The following ATXN2 variants were observed in gnomAD, a reference collection of about 807,000 sequenced individuals.
ATXN2 encodes ataxin-2.
ATXN2 carries 37 observed loss-of-function variants against 138.6 expected under a neutral mutation model. The ratio of observed to expected loss-of-function variants is 0.27; its 90% CI spans 0.21 to 0.35. The LOEUF (loss-of-function observed/expected upper bound fraction) is 0.35, where lower values mean the gene tolerates loss of function less well. Among genes scored for constraint, ATXN2 ranks in the 10% least tolerant of loss-of-function variants. The pLI, the probability that ATXN2 is intolerant of heterozygous loss-of-function variation, is 1.00. For missense variants in ATXN2, 1,216 were observed against 1,480.3 expected (o/e 0.82, Z 2.93); for synonymous variants, 549 against 543.7 (o/e 1.01, Z -0.13).
chr12:111,558,375 T>C (rs957239291), intron 1 of ATXN2, among the ~76,000 whole-genome samples: 3 of 152,244 alleles, frequency 2.0e-5, no homozygotes, highest in African/African-American at 4.8e-5. Flanking sequence ...GAGCATATTT[T>C]AGACCTAAGT....
chr12:111,552,031 C>A lies in ATXN2; in HGVS notation c.571+249G>T, dbSNP rs867497099. Among the ~76,000 whole-genome samples the A allele has an allele frequency of 1.3e-5, 2 of 152,038 alleles. No individual in the cohort carries two copies. The highest frequency in any genetic ancestry group is 4.8e-5 in the African/African-American group (2 of 41,372). ...TAGCTAGGACTATAGGCGCACGCCA[C>A]CACACACAAAAATAAATTTTTGTAT... On this transcript the variant is annotated intron_variant, in intron 5 of 24. Transcript: ENST00000673436. The surrounding 1 kb of genome is among the most constrained non-coding windows in gnomAD (Gnocchi z 4.1).
chr12:111,484,944 T>C, intron 18 of ATXN2, among the ~76,000 whole-genome samples: 1 of 152,158 alleles, frequency 6.6e-6, no homozygotes, highest in East Asian at 1.9e-4. Flanking sequence ...TCCAGGCTGA[T>C]CTTGGGCTCC....
chr12:111,549,264 T>C (rs1168008900), intron 5 of ATXN2, among the ~76,000 whole-genome samples: 1 of 151,420 alleles, frequency 6.6e-6, no homozygotes, highest in East Asian at 1.9e-4. Context: ...AAGTCTCTAA[T>C]AAAAAATAAA....
At chr12:111,508,215 T>C (rs115928592) in intron 14 of ATXN2, among the ~76,000 whole-genome samples, 1 of 151,146 alleles carries the variant, frequency 6.6e-6, no homozygotes, top group African/African-American at 2.4e-5. Context: ...CATCTATTGC[T>C]CACAGATATA....
chr12:111,582,985 T>G (rs540957063), intron 1 of ATXN2, among the ~76,000 whole-genome samples: 62 of 111,704 alleles, frequency 5.6e-4, no homozygotes, highest in Middle Eastern at 4.8e-3. Context: ...CAGTTTTTTT[T>G]TTTGTTTGTT....
intron 5 of ATXN2, among the ~76,000 whole-genome samples, chr12:111,525,931 C>G (rs1395221335): frequency 4.6e-5 from 7 of 152,012 alleles, no homozygotes; most frequent in African/African-American, 1.4e-4. Flanking sequence ...ATACCCCCAC[C>G]TTGGCCTCCC....
intron 21 of ATXN2, 107 bp downstream of exon 21, chr12:111,464,555 G>A: frequency 1.2e-6 from 1 of 805,348 alleles, no homozygotes; most frequent in South Asian, 2.2e-5. Flanking sequence ...TCAATAATTT[G>A]ACTGGCACAA....
At chr12:111,487,832 G>C (rs1877744287) in intron 15 of ATXN2, among the ~76,000 whole-genome samples, 1 of 151,918 alleles carries the variant, frequency 6.6e-6, no homozygotes, top group East Asian at 1.9e-4. Flanking sequence ...AGTCATGGCT[G>C]TAAAAAAAAA....
At chr12:111,469,849 C>T (rs911135229) in intron 20 of ATXN2, 8 of 428,160 alleles carry the variant, frequency 1.9e-5, no homozygotes, top group African/African-American at 1.6e-4. Flanking sequence ...CCTTTCTCCA[C>T]AAAGATGCTT....
chr12:111,572,413 A>C (rs1382936965), intron 1 of ATXN2, among the ~76,000 whole-genome samples: 1 of 151,940 alleles, frequency 6.6e-6, no homozygotes, highest in African/African-American at 2.4e-5. Flanking sequence ...AAAAAAAAAA[A>C]CAAATTTACT....
intron 1 of ATXN2, chr12:111,564,775 AAGT>A (rs1336754959): frequency 7.9e-5 from 12 of 152,180 alleles, no homozygotes; most frequent in African/African-American, 2.9e-4. Flanking sequence ...CTGAAAGATA[AAGT>A]TGTTTATTAT....
Position 111,453,769 on chromosome 12 carries a change from G to A in ATXN2, c.3347C>T (p.Pro1116Leu). ...APMMLMTTQP[P>L]GGPQAALAQS... ...AGCGAGGGCGGCCTGGGGACCGCCG[G>A]GTGGCTGTGTCGTCATTAGCATCAT... The change falls in exon 24 of 25, where the codon CCC (proline) becomes CTC (leucine). Residue 1116 changes from proline (P) to leucine (L), a missense_variant. Transcript: ENST00000673436. This position sits in a 1 kb window ranked among gnomAD's most constrained non-coding sequence, Gnocchi z 5.4. 6.2e-7 allele frequency: 1 copy of A among 1,614,144 alleles called. No homozygotes were observed. Among genetic ancestry groups the A allele is most frequent in the East Asian group, 2.2e-5 (1 of 44,884 alleles).
At chr12:111,488,186 GA>G (rs1354367129) in intron 15 of ATXN2, among the ~76,000 whole-genome samples, 1 of 152,138 alleles carries the variant, frequency 6.6e-6, no homozygotes, top group East Asian at 1.9e-4. Flanking sequence ...CCCCTGAATT[GA>G]TAATTTTTCA....
chr12:111,552,447 A>T lies in ATXN2; in HGVS notation c.421-17T>A. ...CAAATCACACTAAAATGAAAAACACAAGTAAGTACTCCAAACCTTTACAAA... is the reference window on the plus strand; with the variant it reads ...CAAATCACACTAAAATGAAAAACACTAGTAAGTACTCCAAACCTTTACAAA... On this transcript the variant is annotated splice_polypyrimidine_tract_variant and intron_variant, in intron 4 of 24. Coordinates refer to ENST00000673436, the MANE Select transcript of ATXN2 (RefSeq NM_001372574.1). This position sits in a 1 kb window ranked among gnomAD's most constrained non-coding sequence, Gnocchi z 4.1. 1 of 1,602,544 alleles carries T rather than the reference A, an allele frequency of 6.2e-7. No homozygotes were observed. The highest frequency in any genetic ancestry group is 8.5e-7 in the Non-Finnish European group (1 of 1,176,650).
Position 111,488,743 on chromosome 12 carries a change from A to G in ATXN2, c.1973T>C (p.Leu658Pro), listed in dbSNP as rs756823400. 1.9e-6 allele frequency: 3 copies of G among 1,610,002 alleles called. No homozygotes were observed. In the South Asian group the frequency reaches 3.3e-5, roughly 18 times the overall value. The part of the protein sequence containing the change: ...PSSTSESMDQ[L>P]LNKNREGEKS... Reference sequence around the variant, plus strand: ...TTCTCCCTCTCTATTTTTGTTTAGTAGTTGATCCATAGATTCAGAAGTAGA... The same window carrying G: ...TTCTCCCTCTCTATTTTTGTTTAGTGGTTGATCCATAGATTCAGAAGTAGA... Residue 658 changes from leucine (L) to proline (P), a missense_variant, in exon 15 of 25, where the codon CTA becomes CCA. Physicochemically the swap from Leu to Pro is moderately conservative, Grantham distance 98. This residue lies in a region of ATXN2 where 490 missense variants were observed against 653.5 expected (regional missense o/e 0.75). Transcript: ENST00000673436.
chr12:111,483,452 CTTT>C (rs927752030), intron 18 of ATXN2, among the ~76,000 whole-genome samples: 2 of 107,212 alleles, frequency 1.9e-5, no homozygotes. Context: ...TAAAAGAACT[CTTT>C]TTTTTTTTTT....
intron 20 of ATXN2, among the ~76,000 whole-genome samples, chr12:111,466,777 C>T (rs184584448): frequency 1.0e-3 from 154 of 152,144 alleles, no homozygotes; most frequent in Non-Finnish European, 1.5e-3. Flanking sequence ...AAAATTGTCA[C>T]CAACATCTGG....
At chr12:111,511,848 G>C (rs553115927) in intron 11 of ATXN2, 11 of 152,286 alleles carry the variant, frequency 7.2e-5, no homozygotes, top group Admixed American at 7.2e-4. Flanking sequence ...AAGTACAAAG[G>C]AATTTAGGAT....
In ATXN2 at chr12:111,552,771, A is replaced by T; in HGVS notation, c.420+135T>A. 1 of 632,308 alleles carries T rather than the reference A, an allele frequency of 1.6e-6. No homozygotes were observed. Among genetic ancestry groups the T allele is most frequent in the South Asian group, 2.2e-5 (1 of 45,974 alleles). 39.2% of individuals were successfully genotyped at this position (632,308 alleles called of 1,614,324 possible). On this transcript the variant is annotated intron_variant, in intron 4 of 24. Coordinates refer to ENST00000673436, the MANE Select transcript of ATXN2 (RefSeq NM_001372574.1). This position sits in a 1 kb window ranked among gnomAD's most constrained non-coding sequence, Gnocchi z 4.1. ...CATCAAGAAGCCTCTCTGATTACACAAACCAGTCTATAAAATAATCAGTAT... is the reference window on the plus strand; with the variant it reads ...CATCAAGAAGCCTCTCTGATTACACTAACCAGTCTATAAAATAATCAGTAT...
Sources: gnomAD v4.1 joint callset for allele counts (sites outside exome capture counted in the v4.1 genomes callset) on GRCh38, gnomAD v4.1.1 for gene constraint, gnomAD v4.1.1 regional missense constraint, Gnocchi (gnomAD v3.1) non-coding constraint, MANE v1.5 for transcripts, NCBI Gene and HGNC (gene_info 2026-07-23, HGNC 2026-07-21) for gene names.